The following TPGS2 variants were observed in gnomAD, a reference collection of about 807,000 sequenced individuals.
The protein encoded by TPGS2 is polyglutamylase subunit 2.
In TPGS2, 26 loss-of-function variants were observed where a neutral mutation model predicts 31.1. The observed-to-expected ratio is 0.84, with a 90% CI of 0.61 to 1.16. The LOEUF (loss-of-function observed/expected upper bound fraction) is 1.16. TPGS2 is among the 50% of genes most tolerant of loss of function. TPGS2 has a pLI of 0.00. For synonymous variants in TPGS2, 130 were observed against 136.6 expected (o/e 0.95, Z 0.34); for missense variants, 351 against 363.8 (o/e 0.96, Z 0.29).
rs749258806 is a variant in TPGS2, at chr18:36,818,989, G to C, written c.86-16C>G. On this transcript the variant is annotated splice_polypyrimidine_tract_variant and intron_variant, in intron 1 of 6. Coordinates refer to ENST00000334295, the MANE Select transcript of TPGS2 (RefSeq NM_015476.4). ...GGGGAAGATTCTGGAAGAGAAAAAAGAGTCTGTAGAGTTGCAATTGGTCCG... is the reference window on the plus strand; with the variant it reads ...GGGGAAGATTCTGGAAGAGAAAAAACAGTCTGTAGAGTTGCAATTGGTCCG... 1.9e-6 allele frequency: 3 copies of C among 1,604,850 alleles called. No homozygotes were observed. Among genetic ancestry groups the C allele is most frequent in the Non-Finnish European group, 2.6e-6 (3 of 1,174,268 alleles).
intron 1 of TPGS2, among the ~76,000 whole-genome samples, chr18:36,819,759 T>C (rs2045815642): frequency 1.3e-5 from 2 of 152,108 alleles, no homozygotes; most frequent in African/African-American, 4.8e-5. Flanking sequence ...CCCACAAAAA[T>C]AGATATTGAA....
At position 36,795,770 on chromosome 18, in the gene TPGS2, G is replaced by A; in HGVS notation, c.*1035C>T. On this transcript the variant is annotated 3_prime_UTR_variant, in exon 7 of 7. Coordinates refer to ENST00000334295, the MANE Select transcript of TPGS2 (RefSeq NM_015476.4). Reference sequence around the variant, plus strand: ...CTCTTGGAAGCCCACCCTGTTCTAAGCAGGAGACTGCTTGTCCTAAGGATG... The same window carrying A: ...CTCTTGGAAGCCCACCCTGTTCTAAACAGGAGACTGCTTGTCCTAAGGATG... The A allele has an allele frequency of 2.0e-6, 2 of 985,426 alleles. No homozygotes were observed. The highest frequency in any genetic ancestry group is 2.4e-6 in the Non-Finnish European group (2 of 829,936). 61.0% of individuals were successfully genotyped at this position (985,426 alleles called of 1,614,324 possible).
chr18:36,792,702 CAT>C (rs1340002877), downstream of TPGS2, among the ~76,000 whole-genome samples: 2 of 152,178 alleles, frequency 1.3e-5, no homozygotes, highest in Admixed American at 1.3e-4. Context: ...ACTTTCTACA[CAT>C]GATTCTAGTG....
rs1169087264 is a variant in TPGS2, at chr18:36,796,070, C to T, written c.*735G>A. ...TGGAAGCAAGAAACTTCACTGGAAA[C>T]TGATGAGGAAGACAAACTTTATAGG... On this transcript the variant is annotated 3_prime_UTR_variant, in exon 7 of 7. Transcript: ENST00000334295. The T allele has an allele frequency of 1.8e-5, 18 of 985,242 alleles. No individual in the cohort carries two copies. Among genetic ancestry groups the T allele is most frequent in the Non-Finnish European group, 2.2e-5 (18 of 829,930 alleles). The allele number at this position is 985,242 out of a possible 1,614,324, so 61.0% of individuals were successfully genotyped here. A position where few individuals can be genotyped will look rare whatever the true frequency, so the allele number is the denominator to read the frequency against.
chr18:36,782,452 A>G (rs1378698548), downstream of TPGS2, among the ~76,000 whole-genome samples: 1 of 152,160 alleles, frequency 6.6e-6, no homozygotes, highest in Non-Finnish European at 1.5e-5. Context: ...TCCCTCCACC[A>G]GAGATTGTGG....
intron 2 of TPGS2, among the ~76,000 whole-genome samples, chr18:36,818,263 C>G (rs2045744624): frequency 6.6e-6 from 1 of 152,160 alleles, no homozygotes; most frequent in Admixed American, 6.5e-5. Flanking sequence ...CCCTTTACCT[C>G]TCTTTCACAG....
Position 36,797,058 on chromosome 18 carries a change from G to A in TPGS2, c.658-8C>T, listed in dbSNP as rs1461157938. The A allele has an allele frequency of 3.1e-6, 5 of 1,592,424 alleles. No individual in the cohort carries two copies. Among genetic ancestry groups the A allele is most frequent in the Non-Finnish European group, 4.3e-6 (5 of 1,172,832 alleles). ...ATACATGCTGAACCATTGCTGTAAG[G>A]CAGAATTGGAAGACAAGGTCACAAT... is the stretch of plus-strand genomic sequence containing the variant. On this transcript the variant is annotated splice_region_variant and splice_polypyrimidine_tract_variant and intron_variant, in intron 6 of 6. Transcript: ENST00000334295.
In TPGS2 at chr18:36,805,561, T is replaced by C. The variant is rs2045080607; in HGVS notation, c.254-59A>G. On this transcript the variant is annotated intron_variant, in intron 3 of 6. Transcript: ENST00000334295. ...AGTAACAGCCTAGTTACAATGGTTA[T>C]CATGAGATTCTGCTTGAATAACCTA... 5 of 1,604,802 alleles carry C rather than the reference T, an allele frequency of 3.1e-6. No homozygotes were observed. In the Admixed American group the frequency reaches 6.7e-5, roughly 21 times the overall value.
intron 1 of TPGS2, among the ~76,000 whole-genome samples, chr18:36,819,919 G>A (rs2045823899): frequency 6.6e-6 from 1 of 152,190 alleles, no homozygotes; most frequent in Non-Finnish European, 1.5e-5. Context: ...CATGTAGCCA[G>A]GTATGGCAGT....
chr18:36,805,756 A>G (rs965226518), intron 3 of TPGS2, among the ~76,000 whole-genome samples: 2 of 152,150 alleles, frequency 1.3e-5, no homozygotes, highest in African/African-American at 4.8e-5. Context: ...TGGAAGAAAA[A>G]TTTCAAAGGG....
chr18:36,807,191 T>C (rs528288361), intron 3 of TPGS2, among the ~76,000 whole-genome samples: 1 of 152,282 alleles, frequency 6.6e-6, no homozygotes, highest in South Asian at 2.1e-4. Flanking sequence ...TTTTCTAGAC[T>C]ATGAAATGTT....
chr18:36,785,457 T>C (rs2044106080), intron 6 of TPGS2, among the ~76,000 whole-genome samples: 1 of 152,170 alleles, frequency 6.6e-6, no homozygotes, highest in Non-Finnish European at 1.5e-5. Flanking sequence ...GTGCAAAATC[T>C]TTTTTTGTGC....
chr18:36,807,958 G>A, intron 2 of TPGS2, 24 bp from the exon 3 acceptor site: 1 of 1,613,090 alleles, frequency 6.2e-7, no homozygotes, highest in Non-Finnish European at 8.5e-7. Flanking sequence ...GCAGCTAAGT[G>A]TTAGGTAAGG....
chr18:36,820,939 C>T (rs1417586343), intron 1 of TPGS2: 1 of 152,206 alleles, frequency 6.6e-6, no homozygotes, highest in Non-Finnish European at 1.5e-5. Context: ...GAATAACCTG[C>T]ATGGCAGAGT....
At chr18:36,789,349 T>C (rs1356956761), downstream of TPGS2, 1 of 152,206 alleles carries the variant, frequency 6.6e-6, no homozygotes, top group Non-Finnish European at 1.5e-5. Context: ...GGTGGAACGT[T>C]CTGTGATGAT....
At chr18:36,806,577 G>A (rs944664360) in intron 3 of TPGS2, among the ~76,000 whole-genome samples, 3 of 152,044 alleles carry the variant, frequency 2.0e-5, no homozygotes, top group Non-Finnish European at 4.4e-5. Flanking sequence ...CTCTGGCTGG[G>A]TGCGGTGCCT....
At chr18:36,820,058 T>G (rs1249831879) in intron 1 of TPGS2, among the ~76,000 whole-genome samples, 2 of 152,230 alleles carry the variant, frequency 1.3e-5, no homozygotes, top group African/African-American at 4.8e-5. Flanking sequence ...ATTAAGCCAG[T>G]GTCCTTTTTA....
At chr18:36,814,329 T>C (rs1472801068) in intron 2 of TPGS2, among the ~76,000 whole-genome samples, 2 of 152,202 alleles carry the variant, frequency 1.3e-5, no homozygotes, top group Non-Finnish European at 2.9e-5. Flanking sequence ...ACAATGAACA[T>C]GAATCATACA....
At chr18:36,786,704 G>A (rs889888889) in intron 6 of TPGS2, 88 of 712,878 alleles carry the variant, frequency 1.2e-4, no homozygotes, top group Non-Finnish European at 1.7e-4. Context: ...GGGGTATGAT[G>A]AGGTGTGTCT....
Sources: allele counts gnomAD v4.1 joint callset (sites outside exome capture counted in the v4.1 genomes callset), GRCh38; gene constraint gnomAD v4.1.1; transcripts MANE v1.5; gene names NCBI Gene and HGNC (gene_info 2026-07-23, HGNC 2026-07-21).